The following ARFGEF3 variants were observed in gnomAD, a reference collection of about 807,000 sequenced individuals.
The protein encoded by ARFGEF3 is ARFGEF family member 3.
ARFGEF3 carries 96 observed loss-of-function variants against 221.7 expected under a neutral mutation model. That is an observed-to-expected ratio of 0.43 (90% CI 0.37 to 0.51). The LOEUF is 0.51. Among genes scored for constraint, ARFGEF3 ranks in the 20% least tolerant of loss-of-function variants. The pLI is 0.00. For missense variants in ARFGEF3, 2,410 were observed against 2,789.9 expected (o/e 0.86, Z 3.07); for synonymous variants, 1,145 against 1,126.8 (o/e 1.02, Z -0.32).
chr6:138,230,517 G>A (rs1145972), intron 5 of ARFGEF3, among the ~76,000 whole-genome samples: 40,124 of 152,136 alleles, frequency 0.26, 6,693 homozygotes, highest in Non-Finnish European at 0.36. Context: ...TGTATGTTCT[G>A]ATAAGAGTAT....
chr6:138,255,713 G>C lies in ARFGEF3; in HGVS notation c.1048G>C (p.Val350Leu), dbSNP rs1259189658. The change falls in exon 10 of 34, where the codon GTG becomes CTG. Residue 350 changes from valine (V) to leucine (L), a missense_variant. Coordinates refer to ENST00000251691, the MANE Select transcript of ARFGEF3 (RefSeq NM_020340.5). ...CGTGCTCCAGTCCCTCTACCACCGA[G>C]TGCTGCTCTACCCCCCACCCCAGCA... is the stretch of plus-strand genomic sequence containing the variant. The part of the protein sequence containing the change: ...KPVLQSLYHR[V>L]LLYPPPQHRV... The C allele has an allele frequency of 1.9e-6, 3 of 1,610,122 alleles. No homozygotes were observed. Among genetic ancestry groups the C allele is most frequent in the African/African-American group, 1.3e-5 (1 of 74,944 alleles).
intron 7 of ARFGEF3, 101 bp downstream of exon 7, chr6:138,243,095 G>T: frequency 1.1e-6 from 1 of 934,692 alleles, no homozygotes; most frequent in South Asian, 1.4e-5. Flanking sequence ...GGAGCTCTCG[G>T]TTGTTTTACC....
Position 138,177,169 on chromosome 6 carries a change from A to T in ARFGEF3, c.137+6456A>T, listed in dbSNP as rs375793276. 2.9e-3 allele frequency among the ~76,000 whole-genome samples: 435 copies of T among 151,936 alleles called. 2 individuals carry two copies. The highest frequency in any genetic ancestry group is 9.8e-3 in the African/African-American group (405 of 41,428). On this transcript the variant is annotated intron_variant, in intron 2 of 33. Transcript: ENST00000251691. ...CAGTGGAGCAATCTCAGCTCACTGC[A>T]ACCTCTGCCTCCCAGATTCAAGCAA...
intron 22 of ARFGEF3, among the ~76,000 whole-genome samples, chr6:138,301,674 T>G (rs572764351): frequency 1.3e-5 from 2 of 152,310 alleles, no homozygotes; most frequent in African/African-American, 4.8e-5. Context: ...AACATGGGCA[T>G]GTACAGGGGA....
intron 2 of ARFGEF3, among the ~76,000 whole-genome samples, chr6:138,184,058 C>G (rs539001832): frequency 1.3e-5 from 2 of 152,156 alleles, no homozygotes; most frequent in African/African-American, 4.8e-5. Flanking sequence ...TTCTCAAACT[C>G]TTTGGTCTCA....
At chr6:138,310,574 A>T (rs530840096) in intron 24 of ARFGEF3, among the ~76,000 whole-genome samples, 1 of 152,318 alleles carries the variant, frequency 6.6e-6, no homozygotes, top group Non-Finnish European at 1.5e-5. Context: ...AAGGAGAAAC[A>T]TGCCTCTTTG....
chr6:138,321,896 TA>T (rs1780034228), intron 29 of ARFGEF3, among the ~76,000 whole-genome samples: 1 of 150,718 alleles, frequency 6.6e-6, no homozygotes, highest in Non-Finnish European at 1.5e-5. Flanking sequence ...TTAATGGACT[TA>T]CAGTTCCACG....
Position 138,291,949 on chromosome 6 carries a change from C to T in ARFGEF3, c.3264C>T (p.Val1088=), listed in dbSNP as rs1424544936. 6.5e-7 allele frequency: 1 copy of T among 1,528,244 alleles called. No individual in the cohort carries two copies. The highest frequency in any genetic ancestry group is 1.4e-5 in the African/African-American group (1 of 71,116). 94.7% of individuals were successfully genotyped at this position (1,528,244 alleles called of 1,614,324 possible). Residue 1088 remains valine (V), a synonymous_variant, in exon 19 of 34, where the codon GTC becomes GTT. Coordinates refer to ENST00000251691, the MANE Select transcript of ARFGEF3 (RefSeq NM_020340.5). The surrounding 1 kb of genome is among the most constrained non-coding windows in gnomAD (Gnocchi z 4.5). ...AGCCCCTGTCCATCCAGGACCTCGTCCGGGAAGGCAGCCGGGGTCGGGCCT... is the reference window on the plus strand; with the variant it reads ...AGCCCCTGTCCATCCAGGACCTCGTTCGGGAAGGCAGCCGGGGTCGGGCCT... The part of the protein sequence containing the change: ...VVQPLSIQDL[V]REGSRGRASD...
intron 1 of ARFGEF3, among the ~76,000 whole-genome samples, chr6:138,164,248 G>A (rs1381533393): frequency 6.6e-6 from 1 of 152,094 alleles, no homozygotes; most frequent in Non-Finnish European, 1.5e-5. Context: ...CTAGATTAAT[G>A]TGTAAATTCC....
In ARFGEF3 at chr6:138,344,430, T is replaced by C. The variant is rs964851886; in HGVS notation, c.*7944T>C. On this transcript the variant is annotated 3_prime_UTR_variant, in exon 34 of 34. Transcript: ENST00000251691. ...ACTGAAAATCACACTCCTTTATATG[T>C]TGATATAACTGATTTTATAGAATCT... is the stretch of plus-strand genomic sequence containing the variant. 25 of 152,204 alleles carry C rather than the reference T, an allele frequency of 1.6e-4. No individual in the cohort carries two copies. The highest frequency in any genetic ancestry group is 6.0e-4 in the African/African-American group (25 of 41,444). The allele number at this position is 152,204 out of a possible 1,614,324, so 9.4% of individuals were successfully genotyped here.
At chr6:138,311,209 A>G (rs1398792397) in intron 24 of ARFGEF3, among the ~76,000 whole-genome samples, 198 bp from the exon 25 acceptor site, 4 of 152,222 alleles carry the variant, frequency 2.6e-5, no homozygotes, top group African/African-American at 7.2e-5. Flanking sequence ...TGTATTTAAC[A>G]TGTGCACATG....
intron 32 of ARFGEF3, 44 bp from the exon 33 acceptor site, chr6:138,333,926 T>C (rs376779618): frequency 7.8e-5 from 122 of 1,555,372 alleles, no homozygotes; most frequent in Admixed American, 1.3e-4. Flanking sequence ...ACACCTGATA[T>C]AGGGCAGAAA....
intron 10 of ARFGEF3, among the ~76,000 whole-genome samples, chr6:138,259,466 A>C (rs1778747012): frequency 6.8e-6 from 1 of 148,052 alleles, no homozygotes; most frequent in Admixed American, 6.8e-5. Flanking sequence ...GAAGCCCCCT[A>C]GTCTTTATCA....
chr6:138,282,161 G>C (rs1053268249), intron 14 of ARFGEF3, among the ~76,000 whole-genome samples: 2 of 152,142 alleles, frequency 1.3e-5, no homozygotes, highest in Non-Finnish European at 2.9e-5. Flanking sequence ...CACCATGTTG[G>C]CCAGGCTGGC....
intron 5 of ARFGEF3, among the ~76,000 whole-genome samples, chr6:138,235,784 C>A (rs183076340): frequency 7.0e-4 from 107 of 152,220 alleles, no homozygotes; most frequent in African/African-American, 2.3e-3. Flanking sequence ...CTAAAGATAA[C>A]CATGTCATCA....
In ARFGEF3 at chr6:138,338,155, C is replaced by T. The variant is rs919871164; in HGVS notation, c.*1669C>T. ...TCTGTTTGCCTTCAGTTTTTACTCA[C>T]TAGACAATAATTCAAGTTTAGAAAC... On this transcript the variant is annotated 3_prime_UTR_variant, in exon 34 of 34. Coordinates refer to ENST00000251691, the MANE Select transcript of ARFGEF3 (RefSeq NM_020340.5). 10 of 152,180 alleles carry T rather than the reference C, an allele frequency of 6.6e-5. No individual in the cohort carries two copies. The highest frequency in any genetic ancestry group is 2.2e-4 in the African/African-American group (9 of 41,428). 9.4% of individuals were successfully genotyped at this position (152,180 alleles called of 1,614,324 possible).
intron 20 of ARFGEF3, among the ~76,000 whole-genome samples, chr6:138,295,596 C>T (rs1304024554): frequency 6.7e-6 from 1 of 149,786 alleles, no homozygotes; most frequent in Non-Finnish European, 1.5e-5. Flanking sequence ...CACCACTGCA[C>T]TCCAGCCTGG....
chr6:138,261,512 A>G lies in ARFGEF3; in HGVS notation c.1105-15A>G. 2 of 1,492,728 alleles carry G rather than the reference A, an allele frequency of 1.3e-6. No individual in the cohort carries two copies. Among genetic ancestry groups the G allele is most frequent in the Non-Finnish European group, 1.8e-6 (2 of 1,106,292 alleles). The allele number at this position is 1,492,728 out of a possible 1,614,324, so 92.5% of individuals were successfully genotyped here. On this transcript the variant is annotated splice_polypyrimidine_tract_variant and intron_variant, in intron 10 of 33. Transcript: ENST00000251691. ...ATATTCACTTTTCTGTTACTCTTTT[A>G]CCTTTTTCTTTAAGATACTTGGGAG...
At chr6:138,296,199 A>G (rs747222155) in intron 20 of ARFGEF3, among the ~76,000 whole-genome samples, 1 of 152,204 alleles carries the variant, frequency 6.6e-6, no homozygotes, top group Non-Finnish European at 1.5e-5. Flanking sequence ...GCCAGACAGC[A>G]TGTTACTGAG....
Sources: allele counts gnomAD v4.1 joint callset (sites outside exome capture counted in the v4.1 genomes callset), GRCh38; gene constraint gnomAD v4.1.1; non-coding constraint Gnocchi (gnomAD v3.1); transcripts MANE v1.5; gene names NCBI Gene and HGNC (gene_info 2026-07-23, HGNC 2026-07-21).